Variants in ZYG11A observed in about 807,000 individuals in gnomAD.
ZYG11A encodes zyg-11 family member A, cell cycle regulator, also known as protein zyg-11 homolog A.
Under a neutral mutation model 77.2 loss-of-function variants are expected in ZYG11A, and 62 were observed. The observed-to-expected ratio is 0.80, with a 90% CI of 0.65 to 0.99. The LOEUF (loss-of-function observed/expected upper bound fraction) is 0.99. ZYG11A is among the 50% of genes least tolerant of loss of function. The probability of loss-of-function intolerance (pLI) is 0.00; values close to 1 mark genes in which losing one functional copy is unlikely to be tolerated. For synonymous variants in ZYG11A, 315 were observed against 324.6 expected, an observed-to-expected ratio of 0.97 and a Z score of 0.32; for missense variants, 828 against 896.8, an observed-to-expected ratio of 0.92 and a Z score of 0.98.
At chr1:52,872,565 A>T (rs1193237393) in intron 8 of ZYG11A, among the ~76,000 whole-genome samples, 4 of 150,870 alleles carry the variant, frequency 2.7e-5, no homozygotes, top group East Asian at 1.9e-4. Context: ...ATTATTTATT[A>T]ATTATATTAT....
chr1:52,885,024 T>C (rs1485964823), intron 11 of ZYG11A, among the ~76,000 whole-genome samples: 1 of 152,096 alleles, frequency 6.6e-6, no homozygotes, highest in Non-Finnish European at 1.5e-5. Flanking sequence ...TTCTCCTGCC[T>C]CAGTCTCCTG....
chr1:52,842,850 GCTCT>G lies in ZYG11A; in HGVS notation c.-31_-28del. 6.6e-7 allele frequency: 1 copy of G among 1,523,278 alleles called. No individual in the cohort carries two copies. Among genetic ancestry groups the G allele is most frequent in the Non-Finnish European group, 8.8e-7 (1 of 1,133,906 alleles). 94.4% of individuals were successfully genotyped at this position (1,523,278 alleles called of 1,614,324 possible). On this transcript the variant is annotated 5_prime_UTR_variant, in exon 1 of 14. Transcript: ENST00000371528. Reference sequence around the variant, plus strand: ...GGATCCGGGCTCCGGCTCGACGCCGGCTCTCTTTTTGACGCCCCGCCGCCGGGGT... The same window carrying G: ...GGATCCGGGCTCCGGCTCGACGCCGGCTTTTTGACGCCCCGCCGCCGGGGT...
At chr1:52,855,684 G>A (rs1344515459) in intron 2 of ZYG11A, among the ~76,000 whole-genome samples, 4 of 152,090 alleles carry the variant, frequency 2.6e-5, no homozygotes, top group African/African-American at 7.2e-5. Flanking sequence ...CTTGTGTGCC[G>A]AACTTTTTTC....
intron 8 of ZYG11A, among the ~76,000 whole-genome samples, chr1:52,874,906 T>C (rs1436541641): frequency 7.9e-5 from 12 of 152,348 alleles, no homozygotes; most frequent in Non-Finnish European, 2.9e-5. Flanking sequence ...CATAGTGCTA[T>C]TGCACACTTA....
At chr1:52,874,283 G>C (rs1328569266) in intron 8 of ZYG11A, among the ~76,000 whole-genome samples, 1 of 151,876 alleles carries the variant, frequency 6.6e-6, no homozygotes, top group African/African-American at 2.4e-5. Flanking sequence ...TTTCTCTGTT[G>C]CCCAGGCTGG....
chr1:52,879,691 A>C (rs757227748), intron 10 of ZYG11A, among the ~76,000 whole-genome samples: 12 of 152,144 alleles, frequency 7.9e-5, no homozygotes, highest in Non-Finnish European at 1.5e-4. Flanking sequence ...GATGCCTCAT[A>C]TATCCTGTAC....
chr1:52,876,474 G>A (rs939644545), intron 8 of ZYG11A, among the ~76,000 whole-genome samples: 1 of 152,254 alleles, frequency 6.6e-6, no homozygotes, highest in African/African-American at 2.4e-5. Context: ...TCTCCTCTGT[G>A]TCTTAGATTT....
chr1:52,877,108 A>G (rs1487200392), intron 8 of ZYG11A, among the ~76,000 whole-genome samples: 1 of 151,964 alleles, frequency 6.6e-6, no homozygotes, highest in Non-Finnish European at 1.5e-5. Flanking sequence ...TTTGCCTGGC[A>G]TGTGCTTCCT....
intron 3 of ZYG11A, among the ~76,000 whole-genome samples, chr1:52,860,435 C>G (rs1044600098): frequency 1.3e-5 from 2 of 151,934 alleles, no homozygotes. Flanking sequence ...GTAGCTGGGA[C>G]TACAGGCGCC....
intron 1 of ZYG11A, among the ~76,000 whole-genome samples, chr1:52,846,988 C>T (rs1234535210): frequency 2.6e-5 from 4 of 151,120 alleles, no homozygotes; most frequent in Non-Finnish European, 4.4e-5. Context: ...GCTGGGACTA[C>T]GGGTACACGC....
chr1:52,861,821 C>G (rs773304167), intron 4 of ZYG11A, among the ~76,000 whole-genome samples: 3 of 151,882 alleles, frequency 2.0e-5, no homozygotes, highest in Admixed American at 6.6e-5. Flanking sequence ...GTTGGGAGGC[C>G]GAGATGGGAG....
chr1:52,851,127 C>T (rs139951032), intron 1 of ZYG11A, among the ~76,000 whole-genome samples: 1 of 152,100 alleles, frequency 6.6e-6, no homozygotes, highest in East Asian at 1.9e-4. Context: ...TCACTGCAGC[C>T]TTGACCTCCT....
At position 52,877,961 on chromosome 1, in the gene ZYG11A, G is replaced by A; in HGVS notation, c.1741G>A (p.Gly581Ser). Residue 581 changes from glycine (G) to serine (S), a missense_variant, in exon 10 of 14, where the codon GGT becomes AGT. Gly to Ser is a moderately conservative substitution (Grantham distance 56). Coordinates refer to ENST00000371528, the MANE Select transcript of ZYG11A (RefSeq NM_001004339.3). ...SESAIQSKVL[G>S]LLNNIAEVRE... ...GTCAGCAATACAAAGCAAAGTACTT[G>A]GTCTTTTGGTAAGGTGAATTGTTTT... 6.4e-7 allele frequency: 1 copy of A among 1,551,328 alleles called. No individual in the cohort carries two copies.
At chr1:52,844,625 GT>G (rs1321800465) in intron 1 of ZYG11A, among the ~76,000 whole-genome samples, 3 of 151,288 alleles carry the variant, frequency 2.0e-5, no homozygotes, top group Admixed American at 1.3e-4. Flanking sequence ...TCTTAGCAAT[GT>G]TTTGTAGTTT....
intron 5 of ZYG11A, 142 bp from the exon 6 acceptor site, chr1:52,866,361 C>A: frequency 2.1e-6 from 1 of 483,642 alleles, no homozygotes; most frequent in East Asian, 3.4e-5. Flanking sequence ...TCAGTTACAG[C>A]ATTAAATGAA....
chr1:52,877,913 T>TA lies in ZYG11A; in HGVS notation c.1705-12_1705-11insA. ...TGATAAAGTAACCTGTATGTATATATTTTTTTGACAGACCTTTTCAGAGTC... is the reference window on the plus strand; with the variant it reads ...TGATAAAGTAACCTGTATGTATATATATTTTTTGACAGACCTTTTCAGAGTC... On this transcript the variant is annotated splice_polypyrimidine_tract_variant and intron_variant, in intron 9 of 13. Coordinates refer to ENST00000371528, the MANE Select transcript of ZYG11A (RefSeq NM_001004339.3). The TA allele has an allele frequency of 1.3e-6, 2 of 1,550,830 alleles. No homozygotes were observed. Among genetic ancestry groups the TA allele is most frequent in the Non-Finnish European group, 1.7e-6 (2 of 1,146,362 alleles).
In ZYG11A at chr1:52,885,837, C is replaced by T; in HGVS notation, c.1949C>T (p.Ala650Val). The T allele has an allele frequency of 1.3e-6, 2 of 1,543,514 alleles. No individual in the cohort carries two copies. Among genetic ancestry groups the T allele is most frequent in the Non-Finnish European group, 1.7e-6 (2 of 1,143,584 alleles). The change falls in exon 12 of 14, where the codon GCA becomes GTA. Residue 650 changes from alanine (A) to valine (V), a missense_variant. Transcript: ENST00000371528. The stretch of plus-strand genomic sequence containing the variant: ...TCTCTCTTGTTTTTGGAGTAGCATG[C>T]AACCATACAGAATTGGCCAAGTTCA... Reference protein sequence around the residue: ...QRRTLLQDLHATIQNWPSSSC... With the variant: ...QRRTLLQDLHVTIQNWPSSSC...
In ZYG11A at chr1:52,866,587, A is replaced by G. The variant is rs1401695151; in HGVS notation, c.1391+20A>G. The G allele has an allele frequency of 1.4e-6, 2 of 1,478,744 alleles. No homozygotes were observed. Among genetic ancestry groups the G allele is most frequent in the South Asian group, 2.4e-5 (2 of 81,844 alleles). The allele number at this position is 1,478,744 out of a possible 1,614,324, so 91.6% of individuals were successfully genotyped here. On this transcript the variant is annotated intron_variant, in intron 6 of 13. Coordinates refer to ENST00000371528, the MANE Select transcript of ZYG11A (RefSeq NM_001004339.3). ...TGACAGGCAAGTATAAGACTTGGTC[A>G]TTTGACTGGGGTGTTGGCCTTTGGT...
intron 8 of ZYG11A, among the ~76,000 whole-genome samples, chr1:52,875,238 G>A (rs1280343152): frequency 1.3e-5 from 2 of 152,290 alleles, no homozygotes; most frequent in East Asian, 3.9e-4. Context: ...TAGTCACCTT[G>A]ATTATGTTAT....
Sources: gnomAD v4.1 joint callset for allele counts (sites outside exome capture counted in the v4.1 genomes callset) on GRCh38, gnomAD v4.1.1 for gene constraint, MANE v1.5 for transcripts, NCBI Gene and HGNC (gene_info 2026-07-23, HGNC 2026-07-21) for gene names.